The following SEZ6 variants were observed in gnomAD, a reference collection of about 807,000 sequenced individuals.
SEZ6 encodes seizure protein 6 homolog.
SEZ6 carries 53 observed loss-of-function variants against 101.0 expected under a neutral mutation model. The observed-to-expected ratio is 0.52, with a 90% CI of 0.42 to 0.66. The LOEUF (loss-of-function observed/expected upper bound fraction) is 0.66, where lower values mean the gene tolerates loss of function less well. SEZ6 is among the 30% of genes least tolerant of loss of function. The probability of loss-of-function intolerance (pLI) is 0.00; values close to 1 mark genes in which losing one functional copy is unlikely to be tolerated. For missense variants in SEZ6, 1,102 were observed against 1,289.4 expected (o/e 0.85, Z 2.23); for synonymous variants, 488 against 512.2 (o/e 0.95, Z 0.64).
At chr17:28,977,322 T>C (rs1305854172) in intron 3 of SEZ6, among the ~76,000 whole-genome samples, 1 of 152,236 alleles carries the variant, frequency 6.6e-6, no homozygotes, top group African/African-American at 2.4e-5. Context: ...CTGACCCCGC[T>C]CTGGCCACCC....
At chr17:28,966,753 C>A (rs571092898) in intron 4 of SEZ6, among the ~76,000 whole-genome samples, 28 of 147,724 alleles carry the variant, frequency 1.9e-4, no homozygotes, top group Admixed American at 1.2e-3. Flanking sequence ...TCTTCCCCCC[C>A]ATTAAAAAGA....
intron 1 of SEZ6, among the ~76,000 whole-genome samples, chr17:28,992,425 T>A (rs906458275): frequency 3.9e-5 from 6 of 152,096 alleles, no homozygotes; most frequent in African/African-American, 1.2e-4. Context: ...TTCAAGTGCA[T>A]GTGCATGTGC....
intron 3 of SEZ6, among the ~76,000 whole-genome samples, chr17:28,978,457 A>G (rs1347370314): frequency 6.6e-6 from 1 of 152,186 alleles, no homozygotes; most frequent in African/African-American, 2.4e-5. Context: ...AAGATGGGGG[A>G]TGCCCCAGGC....
At chr17:28,996,749 G>C (rs957333782) in intron 1 of SEZ6, among the ~76,000 whole-genome samples, 1 of 152,116 alleles carries the variant, frequency 6.6e-6, no homozygotes, top group African/African-American at 2.4e-5. Flanking sequence ...GCACAACTGG[G>C]GCTTCCTCTC....
At position 28,959,956 on chromosome 17, in the gene SEZ6, C is replaced by A; in HGVS notation, c.1577-64G>T. 1 of 1,495,532 alleles carries A rather than the reference C, an allele frequency of 6.7e-7. No individual in the cohort carries two copies. The highest frequency in any genetic ancestry group is 2.0e-5 in the Admixed American group (1 of 50,292). 92.6% of individuals were successfully genotyped at this position (1,495,532 alleles called of 1,614,324 possible). A position where few individuals can be genotyped will look rare whatever the true frequency, so the allele number is the denominator to read the frequency against. ...GGTATTAAACACAGTGGGCAAGCAT[C>A]CCCCTACTTCCCTCCCCAGAGCCTT... On this transcript the variant is annotated intron_variant, in intron 7 of 16. Transcript: ENST00000317338. This position sits in a 1 kb window ranked among gnomAD's most constrained non-coding sequence, Gnocchi z 4.4.
intron 4 of SEZ6, among the ~76,000 whole-genome samples, chr17:28,968,051 A>T (rs1209000988): frequency 6.6e-6 from 1 of 152,134 alleles, no homozygotes; most frequent in Admixed American, 6.5e-5. Flanking sequence ...GTCTTGCGAT[A>T]AGGCCCTTGT....
intron 3 of SEZ6, among the ~76,000 whole-genome samples, chr17:28,974,956 A>G (rs1695983404): frequency 6.6e-6 from 1 of 152,232 alleles, no homozygotes; most frequent in Non-Finnish European, 1.5e-5. Flanking sequence ...TAGGCAAGTC[A>G]TATGACCTCT....
intron 4 of SEZ6, among the ~76,000 whole-genome samples, chr17:28,965,423 G>A (rs1435704441): frequency 6.6e-6 from 1 of 152,124 alleles, no homozygotes. Flanking sequence ...AGGATTGCTT[G>A]AGGCCAGGAG....
In SEZ6 at chr17:28,964,166, T is replaced by A; in HGVS notation, c.1055-19A>T. On this transcript the variant is annotated intron_variant, in intron 4 of 16. Transcript: ENST00000317338. ...AGATAGGCTGCAAACAGAGAACGGG[T>A]GACACTGTGTATGTGTGCAGGGTGG... 6.4e-7 allele frequency: 1 copy of A among 1,561,642 alleles called. No individual in the cohort carries two copies. The highest frequency in any genetic ancestry group is 8.7e-7 in the Non-Finnish European group (1 of 1,154,046).
rs777028621 is a variant in SEZ6, at chr17:28,979,783, T to G, written c.755A>C (p.Glu252Ala). ...GTCTGTAGGGGAGTCCAGAGAGCCC[T>G]CTGGGCCTGAGAAATTCCAGCTACA... ...GPCSWNFSGP[E>A]GSLDSPTDLS... Residue 252 changes from glutamate to alanine, a missense_variant, in exon 3 of 17, where the codon GAG becomes GCG. Physicochemically the swap from Glu to Ala is moderately radical, Grantham distance 107. Around this residue, in one of 3 missense-constraint regions of SEZ6, gnomAD observed 406 missense variants for 418.6 expected, o/e 0.97. Transcript: ENST00000317338. 2.4e-5 allele frequency: 38 copies of G among 1,612,120 alleles called. No homozygotes were observed. The Admixed American group carries it at 4.2e-4, about 18-fold the overall frequency.
intron 3 of SEZ6, among the ~76,000 whole-genome samples, 152 bp downstream of exon 3, chr17:28,979,528 A>G (rs2041268419): frequency 6.6e-6 from 1 of 152,148 alleles, no homozygotes; most frequent in Non-Finnish European, 1.5e-5. Flanking sequence ...GCAGAATCTA[A>G]CCATTTAGGC....
chr17:28,958,570 A>C lies in SEZ6; in HGVS notation c.2108-429T>G, dbSNP rs573252150. Among the ~76,000 whole-genome samples the C allele has an allele frequency of 2.6e-5, 4 of 152,284 alleles. No individual in the cohort carries two copies. In the South Asian group the frequency reaches 6.2e-4, roughly 24 times the overall value. ...TTTGGGAGGCTGAGGTGGGCAGATCACTTGAAGCCAGGAGTTCGAGACCAG... is the reference window on the plus strand; with the variant it reads ...TTTGGGAGGCTGAGGTGGGCAGATCCCTTGAAGCCAGGAGTTCGAGACCAG... On this transcript the variant is annotated intron_variant, in intron 10 of 16. Coordinates refer to ENST00000317338, the MANE Select transcript of SEZ6 (RefSeq NM_178860.5).
chr17:28,979,912 T>C, intron 2 of SEZ6, 99 bp from the exon 3 acceptor site: 1 of 1,314,900 alleles, frequency 7.6e-7, no homozygotes, highest in African/African-American at 1.5e-5. Context: ...TGTGTGTGTG[T>C]GTGTGTGTGT....
intron 3 of SEZ6, among the ~76,000 whole-genome samples, chr17:28,970,612 A>G (rs925040331): frequency 6.6e-6 from 1 of 152,020 alleles, no homozygotes; most frequent in Admixed American, 6.5e-5. Context: ...GCCATTCCCC[A>G]GCTTATCGCC....
In SEZ6 at chr17:28,977,746, G is replaced by T. The variant is rs369045599; in HGVS notation, c.858+1934C>A. Among the ~76,000 whole-genome samples, 78 of 152,220 alleles carry T rather than the reference G, an allele frequency of 5.1e-4. 1 individual carries two copies. In the South Asian group the frequency reaches 0.016, roughly 31 times the overall value. ...CAGAGCCTCCCAGGCCTGTAGGGGG[G>T]CACTCAGCCTGGCACCTGCCCCCTC... On this transcript the variant is annotated intron_variant, in intron 3 of 16. Coordinates refer to ENST00000317338, the MANE Select transcript of SEZ6 (RefSeq NM_178860.5).
At chr17:28,986,293 C>T (rs2152690502) in intron 1 of SEZ6, among the ~76,000 whole-genome samples, 1 of 152,348 alleles carries the variant, frequency 6.6e-6, no homozygotes, top group Non-Finnish European at 1.5e-5. Context: ...ATTGGAGGCC[C>T]CTTCCTCCCA....
intron 1 of SEZ6, among the ~76,000 whole-genome samples, chr17:28,993,728 C>G (rs1423690876): frequency 6.6e-6 from 1 of 152,144 alleles, no homozygotes; most frequent in Non-Finnish European, 1.5e-5. Context: ...CATGAGGTGC[C>G]AGGGCCGGAG....
intron 3 of SEZ6, 40 bp from the exon 4 acceptor site, chr17:28,969,992 C>T: frequency 1.3e-6 from 2 of 1,494,814 alleles, no homozygotes; most frequent in Non-Finnish European, 1.8e-6. Context: ...AGTAGTCAGA[C>T]TTCTTCCTGC....
At chr17:28,983,658 G>A (rs907094767) in intron 1 of SEZ6, among the ~76,000 whole-genome samples, 1 of 152,034 alleles carries the variant, frequency 6.6e-6, no homozygotes, top group African/African-American at 2.4e-5. Flanking sequence ...GTCAATGAAT[G>A]CTGGCTCCAG....
Sources: allele counts gnomAD v4.1 joint callset (sites outside exome capture counted in the v4.1 genomes callset), GRCh38; gene constraint gnomAD v4.1.1; regional missense constraint gnomAD v4.1.1; non-coding constraint Gnocchi (gnomAD v3.1); transcripts MANE v1.5; gene names NCBI Gene and HGNC (gene_info 2026-07-23, HGNC 2026-07-21).